QRICH1: variants seen among roughly 807,000 people sequenced by gnomAD.
QRICH1 encodes the protein transcriptional regulator QRICH1.
In QRICH1, 16 loss-of-function variants were observed where a neutral mutation model predicts 87.1. The observed-to-expected ratio is 0.18, with a 90% CI of 0.12 to 0.28. The LOEUF is 0.28. QRICH1 is among the 10% of genes least tolerant of loss of function. QRICH1 has a pLI of 1.00. For missense variants in QRICH1, 647 were observed against 951.7 expected, an observed-to-expected ratio of 0.68 and a Z score of 4.21; for synonymous variants, 367 against 368.4, an observed-to-expected ratio of 1.00 and a Z score of 0.05.
At chr3:49,078,386 C>CT (rs60933196) in intron 1 of QRICH1, among the ~76,000 whole-genome samples, 37,167 of 69,836 alleles carry the variant, frequency 0.53, 15,144 homozygotes, top group East Asian at 0.82. Flanking sequence ...ATTATGGTTC[C>CT]TTTTTTTTTT....
At chr3:49,053,171 G>C (rs971414151) in intron 3 of QRICH1, among the ~76,000 whole-genome samples, 1 of 152,044 alleles carries the variant, frequency 6.6e-6, no homozygotes, top group Non-Finnish European at 1.5e-5. Context: ...GGAAAATCAG[G>C]AATGTGTAAT....
intron 2 of QRICH1, among the ~76,000 whole-genome samples, chr3:49,062,901 G>A (rs1404530057): frequency 2.0e-5 from 3 of 151,798 alleles, no homozygotes; most frequent in Non-Finnish European, 4.4e-5. Context: ...TCGGGAGGCT[G>A]AGACAGGAGA....
At chr3:49,064,056 G>A (rs1233050009) in intron 2 of QRICH1, among the ~76,000 whole-genome samples, 3 of 151,410 alleles carry the variant, frequency 2.0e-5, no homozygotes, top group Non-Finnish European at 4.4e-5. Context: ...ACAGGCATGC[G>A]CCACCATGCC....
intron 3 of QRICH1, among the ~76,000 whole-genome samples, chr3:49,050,288 T>TTG (rs2093363053): frequency 7.8e-6 from 1 of 128,858 alleles, no homozygotes; most frequent in Admixed American, 7.7e-5. Context: ...CCGGGTGTGG[T>TTG]AGCACACGCC....
At chr3:49,059,811 G>A (rs935440485) in intron 2 of QRICH1, among the ~76,000 whole-genome samples, 9 of 151,758 alleles carry the variant, frequency 5.9e-5, no homozygotes, top group East Asian at 3.9e-4. Context: ...TCTGCATCCC[G>A]GATTCAAGCT....
intron 5 of QRICH1, 107 bp from the exon 6 acceptor site, chr3:49,044,611 C>T (rs2093328893): frequency 1.4e-6 from 1 of 729,058 alleles, no homozygotes; most frequent in Non-Finnish European, 2.2e-6. Context: ...CCTACCCATT[C>T]ACACCTCAAC....
In QRICH1 at chr3:49,037,908, G is replaced by A. The variant is rs553990246; in HGVS notation, c.1787-4680C>T. 1.5e-4 allele frequency among the ~76,000 whole-genome samples: 23 copies of A among 151,994 alleles called. No homozygotes were observed. The East Asian group carries it at 3.7e-3, about 24-fold the overall frequency. ...GCAGAATTGCTTGAACTTGGGAGGCGGAAGTTGCAGTGAGCCGAGATCAAG... is the reference window on the plus strand; with the variant it reads ...GCAGAATTGCTTGAACTTGGGAGGCAGAAGTTGCAGTGAGCCGAGATCAAG... On this transcript the variant is annotated intron_variant, in intron 6 of 9. Transcript: ENST00000395443.
rs542913834 is a variant in QRICH1 at position 49,056,652 on chromosome 3, C to T, written c.1338+210G>A. ...CCAAAACTCCAAAGCAATTCCTGGC[C>T]ATCTCATTTACCTCCAGGTACCAGG... On this transcript the variant is annotated intron_variant, in intron 3 of 9. Coordinates refer to ENST00000395443, the MANE Select transcript of QRICH1 (RefSeq NM_198880.3). 1,112 of 899,266 alleles carry T rather than the reference C, an allele frequency of 1.2e-3. 1 individual carries two copies. The highest frequency in any genetic ancestry group is 1.7e-3 in the Non-Finnish European group (1,023 of 591,234). 55.7% of individuals were successfully genotyped at this position (899,266 alleles called of 1,614,324 possible).
chr3:49,038,291 G>A (rs992507534), intron 6 of QRICH1, among the ~76,000 whole-genome samples: 2 of 151,760 alleles, frequency 1.3e-5, no homozygotes, highest in Admixed American at 1.3e-4. Context: ...TCGATCTCCT[G>A]AACTCATGAT....
At chr3:49,061,312 T>C (rs2093433641) in intron 2 of QRICH1, among the ~76,000 whole-genome samples, 1 of 152,058 alleles carries the variant, frequency 6.6e-6, no homozygotes, top group South Asian at 2.1e-4. Context: ...ACTTAACATA[T>C]GTTTAATGGG....
intron 2 of QRICH1, chr3:49,058,157 A>ATTT: frequency 2.7e-6 from 1 of 372,976 alleles, no homozygotes; most frequent in Non-Finnish European, 4.7e-6. Context: ...AAAAAAAAAA[A>ATTT]TTTTTTTTTT....
At chr3:49,081,091 T>C (rs865843238) in intron 1 of QRICH1, among the ~76,000 whole-genome samples, 4 of 151,578 alleles carry the variant, frequency 2.6e-5, no homozygotes, top group Non-Finnish European at 4.4e-5. Flanking sequence ...ATTACTTTCA[T>C]ACCTTTAAGC....
chr3:49,082,438 C>T (rs2042079563), intron 1 of QRICH1, among the ~76,000 whole-genome samples: 1 of 152,004 alleles, frequency 6.6e-6, no homozygotes, highest in South Asian at 2.1e-4. Flanking sequence ...TAGAATAGTA[C>T]CTTTAAAAAG....
Position 49,093,911 on chromosome 3 carries a change from C to G in QRICH1, c.-22+1G>C, listed in dbSNP as rs1559962323. ...ATCCCCACCCGCACTGGAGCCCTCA[C>G]CCGGCGACGTCACTGCCGCCGCCGC... On this transcript the variant is annotated splice_donor_variant, in intron 1 of 9. Transcript: ENST00000395443. LOFTEE classifies it low-confidence loss of function (5UTR_SPLICE). 1 of 387,738 alleles carries G rather than the reference C, an allele frequency of 2.6e-6. No individual in the cohort carries two copies. The highest frequency in any genetic ancestry group is 2.1e-5 in the African/African-American group (1 of 47,842). 24.0% of individuals were successfully genotyped at this position (387,738 alleles called of 1,614,324 possible).
chr3:49,088,326 G>GT (rs1310221980), intron 1 of QRICH1, among the ~76,000 whole-genome samples: 1 of 151,766 alleles, frequency 6.6e-6, no homozygotes, highest in Non-Finnish European at 1.5e-5. Flanking sequence ...ACGAAGTCTC[G>GT]TTTTCTCACC....
chr3:49,034,650 C>A (rs1456824216), intron 6 of QRICH1, among the ~76,000 whole-genome samples: 2 of 151,666 alleles, frequency 1.3e-5, no homozygotes, highest in Admixed American at 1.3e-4. Context: ...ATCCCCCCCA[C>A]AGGGCTGGTG....
intron 1 of QRICH1, among the ~76,000 whole-genome samples, 188 bp from the exon 2 acceptor site, chr3:49,077,226 T>G (rs1341579624): frequency 6.6e-6 from 1 of 152,152 alleles, no homozygotes; most frequent in Non-Finnish European, 1.5e-5. Flanking sequence ...CTATTAACAT[T>G]TCTTAAATAA....
At chr3:49,045,436 A>T (rs192392686) in intron 5 of QRICH1, among the ~76,000 whole-genome samples, 1 of 150,342 alleles carries the variant, frequency 6.7e-6, no homozygotes, top group Non-Finnish European at 1.5e-5. Flanking sequence ...TATTTTATGT[A>T]TTTATTTTTT....
At chr3:49,055,184 A>G (rs528131129) in intron 3 of QRICH1, among the ~76,000 whole-genome samples, 3 of 152,172 alleles carry the variant, frequency 2.0e-5, no homozygotes, top group Non-Finnish European at 2.9e-5. Context: ...TACTGCCTCT[A>G]TGAAACCACC....
Sources: gnomAD v4.1 joint callset for allele counts (sites outside exome capture counted in the v4.1 genomes callset) on GRCh38, gnomAD v4.1.1 for gene constraint, MANE v1.5 for transcripts, NCBI Gene and HGNC (gene_info 2026-07-23, HGNC 2026-07-21) for gene names.